LRRC8E: variants seen among roughly 807,000 people sequenced by gnomAD.
The protein encoded by LRRC8E is leucine rich repeat containing 8 VRAC subunit E.
Under a neutral mutation model 6.1 loss-of-function variants are expected in LRRC8E, and 6 were observed. That is an observed-to-expected ratio of 0.98 (90% confidence interval 0.54 to 1.93). LRRC8E has a LOEUF of 1.93. Ranked by LOEUF, LRRC8E falls within the 30% of genes most tolerant of loss-of-function variation. The probability of loss-of-function intolerance (pLI) is 0.01; values close to 1 mark genes in which losing one functional copy is unlikely to be tolerated. For missense variants in LRRC8E, 1,028 were observed against 1,031.4 expected (o/e 1.00, Z 0.04); for synonymous variants, 485 against 472.8 (o/e 1.03, Z -0.33).
chr19:7,897,159 T>G (rs1269966358), intron 2 of LRRC8E, among the ~76,000 whole-genome samples: 1 of 144,792 alleles, frequency 6.9e-6, no homozygotes, highest in African/African-American at 2.6e-5. Context: ...ATTCTCCCAG[T>G]ATTTTTCTTT....
intron 2 of LRRC8E, among the ~76,000 whole-genome samples, chr19:7,898,206 AAAAAAAAAACC>A (rs1174235404): frequency 7.2e-6 from 1 of 138,416 alleles, no homozygotes; most frequent in East Asian, 2.3e-4. Context: ...TCTTGTCTCA[AAAAAAAAAACC>A]AAAAAAAAAA....
chr19:7,890,389 TTTG>T (rs978657103), intron 1 of LRRC8E, among the ~76,000 whole-genome samples: 1 of 152,224 alleles, frequency 6.6e-6, no homozygotes, highest in Non-Finnish European at 1.5e-5. Flanking sequence ...CTGTGGTTTT[TTTG>T]TTGTTGTTTG....
Position 7,898,678 on chromosome 19 carries a change from C to A in LRRC8E, c.156C>A (p.Ile52=), listed in dbSNP as rs1981736594. Residue 52 remains isoleucine, a synonymous_variant, in exon 3 of 3, where the codon ATC becomes ATA. Coordinates refer to ENST00000306708, the MANE Select transcript of LRRC8E (RefSeq NM_025061.6). ...CTCCTCAGGTGACACAGGACAAGAT[C>A]ATCTGTCTACCCAATCATGAGCTCC... The part of the protein sequence containing the change: ...GCTLQVTQDK[I]ICLPNHELQE... 2 of 1,608,262 alleles carry A rather than the reference C, an allele frequency of 1.2e-6. No individual in the cohort carries two copies. Among genetic ancestry groups the A allele is most frequent in the East Asian group, 2.2e-5 (1 of 44,758 alleles).
In LRRC8E at chr19:7,895,687, C is replaced by G; in HGVS notation, c.84C>G (p.Ala28=). The G allele has an allele frequency of 6.2e-7, 1 of 1,614,102 alleles. No homozygotes were observed. Among genetic ancestry groups the G allele is most frequent in the Non-Finnish European group, 8.5e-7 (1 of 1,179,972 alleles). The change falls in exon 2 of 3, where the codon GCC becomes GCG. Residue 28 remains alanine (A), a synonymous_variant. Coordinates refer to ENST00000306708, the MANE Select transcript of LRRC8E (RefSeq NM_025061.6). This position sits in a 1 kb window ranked among gnomAD's most constrained non-coding sequence, Gnocchi z 4.7. ...TCAAACCCTGGTGGGACGTGCTGGC[C>G]GAGTACCTCACCGTGGCCATGCTCA... The part of the protein sequence containing the change: ...KVLKPWWDVL[A]EYLTVAMLMI...
At chr19:7,890,236 G>C (rs892617426) in intron 1 of LRRC8E, among the ~76,000 whole-genome samples, 3 of 152,160 alleles carry the variant, frequency 2.0e-5, no homozygotes, top group Admixed American at 6.6e-5. Context: ...CAAGTGGCTT[G>C]AGGAGGACCT....
At chr19:7,894,151 G>C (rs1391790155) in intron 1 of LRRC8E, among the ~76,000 whole-genome samples, 2 of 152,202 alleles carry the variant, frequency 1.3e-5, no homozygotes. Context: ...TGGATGGGGA[G>C]CCAGAGATAA....
At chr19:7,892,044 C>A (rs1000749971) in intron 1 of LRRC8E, among the ~76,000 whole-genome samples, 2 of 151,556 alleles carry the variant, frequency 1.3e-5, no homozygotes, top group African/African-American at 4.8e-5. Flanking sequence ...GGACTACAGG[C>A]ATGCACCACC....
rs1981701277 is a variant in LRRC8E, at chr19:7,898,190, CGA to C, written c.139-468_139-467del. 3.6e-5 allele frequency among the ~76,000 whole-genome samples: 5 copies of C among 140,698 alleles called. No individual in the cohort carries two copies. The Admixed American group carries it at 3.8e-4, about 11-fold the overall frequency. The allele number at this position is 140,698 out of a possible 152,430, so 92.3% of individuals were successfully genotyped here. Reference sequence around the variant, plus strand: ...CACCACTGCACACAGCCTGACAGAGCGAGACTCTTGTCTCAAAAAAAAAAACC... The same window carrying C: ...CACCACTGCACACAGCCTGACAGAGCGACTCTTGTCTCAAAAAAAAAAACC... On this transcript the variant is annotated intron_variant, in intron 2 of 2. Transcript: ENST00000306708.
Position 7,901,022 on chromosome 19 carries a change from G to A in LRRC8E, c.*109G>A. 3 of 613,842 alleles carry A rather than the reference G, an allele frequency of 4.9e-6. No homozygotes were observed. The highest frequency in any genetic ancestry group is 4.7e-6 in the Non-Finnish European group (2 of 429,296). 38.0% of individuals were successfully genotyped at this position (613,842 alleles called of 1,614,324 possible). On this transcript the variant is annotated 3_prime_UTR_variant, in exon 3 of 3. Coordinates refer to ENST00000306708, the MANE Select transcript of LRRC8E (RefSeq NM_025061.6). ...CAAGTGGGTCCAGGCCAGGAGATGG[G>A]GGGGGCGGGGGCAGCTGTGTCATCT... is the stretch of plus-strand genomic sequence containing the variant.
rs1335362494 is a variant in LRRC8E, at chr19:7,895,739, C to T, written c.136C>T (p.Gln46Ter). ...GATTGGGGTCTTTGGCTGCACCCTC[C>T]AGGTGAGGCCCTCCCCTGGCAAGGG... Reference protein sequence around the residue: ...LMIGVFGCTLQVTQDKIICLP... With the variant: ...LMIGVFGCTL Residue 46 changes from glutamine to a stop codon, truncating the protein, a stop_gained and splice_region_variant, in exon 2 of 3, where the codon CAG (glutamine) becomes TAG (stop). Coordinates refer to ENST00000306708, the MANE Select transcript of LRRC8E (RefSeq NM_025061.6). LOFTEE classifies it low-confidence loss of function (END_TRUNC). The surrounding 1 kb of genome is among the most constrained non-coding windows in gnomAD (Gnocchi z 4.7). 6.8e-6 allele frequency: 11 copies of T among 1,612,472 alleles called. No individual in the cohort carries two copies. Among genetic ancestry groups the T allele is most frequent in the Non-Finnish European group, 9.3e-6 (11 of 1,178,688 alleles).
intron 1 of LRRC8E, among the ~76,000 whole-genome samples, chr19:7,892,995 GTATTTT>G (rs1037366263): frequency 3.9e-5 from 6 of 151,972 alleles, no homozygotes; most frequent in Admixed American, 2.0e-4. Flanking sequence ...TGGCTGTTTT[GTATTTT>G]TATTTTTATT....
At chr19:7,889,022 ATCTTCAAGTCTGCTGGCAGAGGCGGCT>A (rs1263061157) in intron 1 of LRRC8E, among the ~76,000 whole-genome samples, 1 of 152,072 alleles carries the variant, frequency 6.6e-6, no homozygotes. Flanking sequence ...CATGTCCCAG[ATCTTCAAGTCTGCTGGCAGAGGCGGCT>A]TGGAAAACCA....
rs1270160591 is a variant in LRRC8E, at chr19:7,899,858, G to C, written c.1336G>C (p.Ala446Pro). ...LSEVESLRLE[A>P]ICDITFPPGL... ...TGAGGTGGAGTCACTCAGGCTGGAG[G>C]CCATCTGCGATATCACCTTCCCCCC... The change falls in exon 3 of 3, where the codon GCC (alanine) becomes CCC (proline). Residue 446 changes from alanine to proline, a missense_variant. Physicochemically the swap from Ala to Pro is conservative, Grantham distance 27 (BLOSUM62 -1). Coordinates refer to ENST00000306708, the MANE Select transcript of LRRC8E (RefSeq NM_025061.6). The C allele has an allele frequency of 6.2e-7, 1 of 1,606,072 alleles. No individual in the cohort carries two copies. The highest frequency in any genetic ancestry group is 8.5e-7 in the Non-Finnish European group (1 of 1,179,946).
chr19:7,895,865 C>A lies in LRRC8E; in HGVS notation c.138+124C>A. 3 of 1,190,896 alleles carry A rather than the reference C, an allele frequency of 2.5e-6. No homozygotes were observed. The highest frequency in any genetic ancestry group is 3.5e-6 in the Non-Finnish European group (3 of 849,972). The allele number at this position is 1,190,896 out of a possible 1,614,324, so 73.8% of individuals were successfully genotyped here. ...TGAAGACAGAGCCCCACTCAAAGGC[C>A]AATCCAGACCCCTTATCTTCCTTAC... On this transcript the variant is annotated intron_variant, in intron 2 of 2. Coordinates refer to ENST00000306708, the MANE Select transcript of LRRC8E (RefSeq NM_025061.6). This position sits in a 1 kb window ranked among gnomAD's most constrained non-coding sequence, Gnocchi z 4.7.
At position 7,898,118 on chromosome 19, in the gene LRRC8E, G is replaced by A. The variant is rs966188552; in HGVS notation, c.139-543G>A. 2.5e-4 allele frequency among the ~76,000 whole-genome samples: 37 copies of A among 151,010 alleles called. 1 individual carries two copies. The highest frequency in any genetic ancestry group is 3.2e-3 in the Middle Eastern group (1 of 316). ...CCGGCTACTCAGCAGGCTGAGGCAG[G>A]AGAATTGCTTGAACCAGGAGGGGAA... On this transcript the variant is annotated intron_variant, in intron 2 of 2. Transcript: ENST00000306708.
rs979166599 is a variant in LRRC8E at position 7,895,466 on chromosome 19, CT to C, written c.-5-130del. ...GCTAAGAGGGAAGTGGGGGCACACA[CT>C]TTGGTGGTTTGGACAAGTTTGGGCA... On this transcript the variant is annotated intron_variant, in intron 1 of 2. Coordinates refer to ENST00000306708, the MANE Select transcript of LRRC8E (RefSeq NM_025061.6). This position sits in a 1 kb window ranked among gnomAD's most constrained non-coding sequence, Gnocchi z 4.7. 9.0e-6 allele frequency: 10 copies of C among 1,114,744 alleles called. No homozygotes were observed. Among genetic ancestry groups the C allele is most frequent in the African/African-American group, 1.5e-5 (1 of 64,708 alleles). The allele number at this position is 1,114,744 out of a possible 1,614,324, so 69.1% of individuals were successfully genotyped here. A position where few individuals can be genotyped will look rare whatever the true frequency, so the allele number is the denominator to read the frequency against.
At chr19:7,896,383 G>A (rs1230080551) in intron 2 of LRRC8E, among the ~76,000 whole-genome samples, 2 of 150,648 alleles carry the variant, frequency 1.3e-5, no homozygotes, top group African/African-American at 2.4e-5. Flanking sequence ...AGACCAGCCT[G>A]GCCAACACGG....
At chr19:7,889,264 T>C (rs1981176967) in intron 1 of LRRC8E, among the ~76,000 whole-genome samples, 1 of 151,394 alleles carries the variant, frequency 6.6e-6, no homozygotes, top group African/African-American at 2.4e-5. Context: ...CCAGCCTGGC[T>C]AACACGGTGA....
chr19:7,894,354 G>T (rs573448493), intron 1 of LRRC8E, among the ~76,000 whole-genome samples: 3 of 152,282 alleles, frequency 2.0e-5, no homozygotes, highest in African/African-American at 7.2e-5. Context: ...CTCCAGAGTA[G>T]CTAGGATTAC....
Sources: allele counts gnomAD v4.1 joint callset (sites outside exome capture counted in the v4.1 genomes callset), GRCh38; gene constraint gnomAD v4.1.1; non-coding constraint Gnocchi (gnomAD v3.1); transcripts MANE v1.5; gene names NCBI Gene and HGNC (gene_info 2026-07-23, HGNC 2026-07-21).